Variants in CDCP1 observed in about 807,000 individuals in gnomAD.
The protein encoded by CDCP1 is CUB domain-containing protein 1.
CDCP1 carries 29 observed loss-of-function variants against 60.2 expected under a neutral mutation model. That is an observed-to-expected ratio of 0.48 (90% CI 0.36 to 0.66). CDCP1 has a LOEUF of 0.66. Ranked by LOEUF, CDCP1 falls within the 30% of genes least tolerant of loss-of-function variation. CDCP1 has a pLI of 0.00. For synonymous variants in CDCP1, 387 were observed against 431.1 expected, an observed-to-expected ratio of 0.90 and a Z score of 1.27; for missense variants, 876 against 1,074.3, an observed-to-expected ratio of 0.82 and a Z score of 2.58.
chr3:45,100,190 T>C (rs1368731839), intron 4 of CDCP1, among the ~76,000 whole-genome samples: 6 of 152,172 alleles, frequency 3.9e-5, no homozygotes, highest in Non-Finnish European at 8.8e-5. Flanking sequence ...GAAGAAGTCA[T>C]TCTCTACCGA....
chr3:45,141,523 T>C (rs1445323010), intron 1 of CDCP1, among the ~76,000 whole-genome samples: 1 of 152,236 alleles, frequency 6.6e-6, no homozygotes, highest in Non-Finnish European at 1.5e-5. Context: ...GAATGTCTGG[T>C]TTTCAGGAAT....
intron 1 of CDCP1, among the ~76,000 whole-genome samples, chr3:45,125,997 GCAGTCT>G (rs1349718059): frequency 6.6e-6 from 1 of 152,166 alleles, no homozygotes; most frequent in Non-Finnish European, 1.5e-5. Context: ...TGGCACCTCT[GCAGTCT>G]CCACCCACCC....
At chr3:45,131,264 C>A (rs1699089060) in intron 1 of CDCP1, among the ~76,000 whole-genome samples, 1 of 151,576 alleles carries the variant, frequency 6.6e-6, no homozygotes, top group Non-Finnish European at 1.5e-5. Context: ...ATAAACCCTG[C>A]AAATATTTCT....
chr3:45,146,394 G>A (rs1699393246), upstream of CDCP1: 1 of 977,756 alleles, frequency 1.0e-6, no homozygotes, highest in South Asian at 2.1e-5. Context: ...ACTCACCTGC[G>A]CGCGGGCGGA....
At chr3:45,122,017 T>C (rs1232462996) in intron 1 of CDCP1, among the ~76,000 whole-genome samples, 1 of 152,196 alleles carries the variant, frequency 6.6e-6, no homozygotes, top group East Asian at 1.9e-4. Flanking sequence ...AGACCAAAGC[T>C]GATCTCACCA....
chr3:45,093,298 A>C lies in CDCP1; in HGVS notation c.1606T>G (p.Ser536Ala). Reference protein sequence around the residue: ...QEASRQGLTVSFIPYFKEEGV... With the variant: ...QEASRQGLTVAFIPYFKEEGV... ...TTACCTTTGAAATAAGGTATAAAGG[A>C]CACCGTCAGACCCTGCCTGGAGGCC... The change falls in exon 6 of 9, where the codon TCC becomes GCC. Residue 536 changes from serine to alanine, a missense_variant. This residue lies in a region of CDCP1 where 726 missense variants were observed against 935.7 expected (regional missense o/e 0.78). Coordinates refer to ENST00000296129, the MANE Select transcript of CDCP1 (RefSeq NM_022842.5). The C allele has an allele frequency of 6.2e-7, 1 of 1,614,196 alleles. No individual in the cohort carries two copies. Among genetic ancestry groups the C allele is most frequent in the African/African-American group, 1.3e-5 (1 of 75,074 alleles).
At chr3:45,088,866 C>CA (rs1698243791) in intron 8 of CDCP1, among the ~76,000 whole-genome samples, 188 bp downstream of exon 8, 1 of 151,574 alleles carries the variant, frequency 6.6e-6, no homozygotes, top group African/African-American at 2.4e-5. Flanking sequence ...TTATCCCCCC[C>CA]TCACCCCCAG....
intron 1 of CDCP1, among the ~76,000 whole-genome samples, chr3:45,130,662 A>T (rs1699075625): frequency 1.3e-5 from 2 of 152,312 alleles, no homozygotes; most frequent in South Asian, 4.1e-4. Context: ...TTGTTTGCAC[A>T]ACTCTGAAAA....
rs778592905 is a variant in CDCP1 at position 45,089,127 on chromosome 3, G to C, written c.2008C>G (p.Leu670Val). Residue 670 changes from leucine (L) to valine (V), a missense_variant, in exon 8 of 9, where the codon CTC becomes GTC. By Grantham distance (32) the Leu-to-Val change is conservative. Transcript: ENST00000296129. ...TPRTVDLTVILIAAVGGGVLL... is the reference protein window; with the variant it reads ...TPRTVDLTVIVIAAVGGGVLL... ...ACTCCACCTCCCACCGCTGCGATGA[G>C]GATGACAGTCAAGTCTGTGAGCAGA... 2.5e-6 allele frequency: 4 copies of C among 1,613,880 alleles called. No homozygotes were observed. Among genetic ancestry groups the C allele is most frequent in the Non-Finnish European group, 3.4e-6 (4 of 1,179,940 alleles).
At chr3:45,097,323 A>C (rs192839699) in intron 4 of CDCP1, among the ~76,000 whole-genome samples, 174 of 151,940 alleles carry the variant, frequency 1.1e-3, no homozygotes, top group Middle Eastern at 0.01. Context: ...AAAAAGAAAG[A>C]AAGAAAGAAA....
chr3:45,093,528 A>T lies in CDCP1; in HGVS notation c.1376T>A (p.Leu459Gln). Reference sequence around the variant, plus strand: ...CAGCTTCTGGGCTGGCACCAGCACCAGGCTGAGCCTGTCCTTGGGCACCAG... The same window carrying T: ...CAGCTTCTGGGCTGGCACCAGCACCTGGCTGAGCCTGTCCTTGGGCACCAG... ...KLLVPKDRLS[L>Q]VLVPAQKLQQ... The change falls in exon 6 of 9, where the codon CTG becomes CAG. Residue 459 changes from leucine (L) to glutamine (Q), a missense_variant. By Grantham distance (113) the Leu-to-Gln change is moderately radical. Transcript: ENST00000296129. 6.2e-7 allele frequency: 1 copy of T among 1,614,166 alleles called. No homozygotes were observed. The highest frequency in any genetic ancestry group is 2.2e-5 in the East Asian group (1 of 44,886).
intron 4 of CDCP1, among the ~76,000 whole-genome samples, chr3:45,098,017 AG>A (rs1246075931): frequency 1.3e-5 from 2 of 152,206 alleles, no homozygotes; most frequent in Non-Finnish European, 2.9e-5. Flanking sequence ...TGTTACCTGC[AG>A]GACACCTCCC....
At chr3:45,108,734 TGC>T in intron 4 of CDCP1, among the ~76,000 whole-genome samples, 1 of 135,128 alleles carries the variant, frequency 7.4e-6, no homozygotes, top group African/African-American at 2.8e-5. Context: ...CATATATATA[TGC>T]ATGTATACAT....
At chr3:45,110,158 T>A in intron 4 of CDCP1, 2 of 1,168,180 alleles carry the variant, frequency 1.7e-6, no homozygotes, top group Non-Finnish European at 2.1e-6. Context: ...GCGGGTGACA[T>A]CCTCATTCAC....
At chr3:45,127,849 C>A (rs1290996882) in intron 1 of CDCP1, among the ~76,000 whole-genome samples, 1 of 152,188 alleles carries the variant, frequency 6.6e-6, no homozygotes, top group African/African-American at 2.4e-5. Flanking sequence ...TGGCTGCTTA[C>A]CAGACTCCCC....
intron 1 of CDCP1, among the ~76,000 whole-genome samples, chr3:45,135,891 G>A (rs1699183580): frequency 6.6e-6 from 1 of 152,150 alleles, no homozygotes; most frequent in South Asian, 2.1e-4. Flanking sequence ...GGTCTTCGTT[G>A]AATTAGAGGG....
intron 1 of CDCP1, among the ~76,000 whole-genome samples, chr3:45,120,824 C>T (rs9876540): frequency 0.14 from 21,765 of 152,124 alleles, 1,685 homozygotes; most frequent in East Asian, 0.34. Context: ...CTAGAAAAAG[C>T]TGGCTCCTTG....
intron 4 of CDCP1, among the ~76,000 whole-genome samples, chr3:45,109,076 A>T (rs1559392841): frequency 6.7e-6 from 1 of 150,060 alleles, no homozygotes; most frequent in Admixed American, 6.7e-5. Flanking sequence ...CAGCCTCCCA[A>T]GTAGTTGGGA....
intron 4 of CDCP1, among the ~76,000 whole-genome samples, chr3:45,108,503 A>C (rs1698609910): frequency 6.6e-6 from 1 of 152,026 alleles, no homozygotes; most frequent in Admixed American, 6.6e-5. Flanking sequence ...TAGCAGAATT[A>C]ATCAGAGCTT....
Sources: gnomAD v4.1 joint callset for allele counts (sites outside exome capture counted in the v4.1 genomes callset) on GRCh38, gnomAD v4.1.1 for gene constraint, gnomAD v4.1.1 regional missense constraint, MANE v1.5 for transcripts, NCBI Gene and HGNC (gene_info 2026-07-23, HGNC 2026-07-21) for gene names.